Variants in CCAR1 observed in about 807,000 individuals in gnomAD.
CCAR1 encodes cell division cycle and apoptosis regulator 1.
In CCAR1, 78 loss-of-function variants were observed where a neutral mutation model predicts 163.8. The observed-to-expected ratio is 0.48, with a 90% CI of 0.40 to 0.57. CCAR1 has a LOEUF of 0.57. Ranked by LOEUF, CCAR1 falls within the 20% of genes least tolerant of loss-of-function variation. The pLI is 0.00. For synonymous variants in CCAR1, 443 were observed against 460.7 expected, an observed-to-expected ratio of 0.96 and a Z score of 0.49; for missense variants, 1,019 against 1,365.2, an observed-to-expected ratio of 0.75 and a Z score of 4.00.
chr10:68,778,633 T>C (rs1181145347), intron 19 of CCAR1, among the ~76,000 whole-genome samples: 2 of 152,160 alleles, frequency 1.3e-5, no homozygotes, highest in Non-Finnish European at 2.9e-5. Context: ...AAAGCTGTTA[T>C]GTAAGAAAAA....
chr10:68,771,035 G>A lies in CCAR1; in HGVS notation c.2299-171G>A, dbSNP rs1178294213. Among the ~76,000 whole-genome samples the A allele has an allele frequency of 3.3e-5, 5 of 152,034 alleles. No individual in the cohort carries two copies. In the South Asian group the frequency reaches 1.0e-3, roughly 31 times the overall value. ...GGAGCTTGCTGTGAGCCAAGATCGT[G>A]CCGCTGCACTCCAGCCTGGGCGACA... is the stretch of plus-strand genomic sequence containing the variant. On this transcript the variant is annotated intron_variant, in intron 17 of 24. Coordinates refer to ENST00000265872, the MANE Select transcript of CCAR1 (RefSeq NM_018237.4).
chr10:68,774,336 T>A (rs1234491718), intron 19 of CCAR1, among the ~76,000 whole-genome samples: 1 of 152,082 alleles, frequency 6.6e-6, no homozygotes, highest in Non-Finnish European at 1.5e-5. Context: ...CTAAATATAT[T>A]CTTTAGAAAA....
At chr10:68,740,533 G>A (rs2056168846) in intron 4 of CCAR1, 96 bp from the exon 5 acceptor site, 1 of 1,010,126 alleles carries the variant, frequency 9.9e-7, no homozygotes, top group African/African-American at 1.6e-5. Context: ...AAAATAAGTA[G>A]AATAACTTTT....
chr10:68,769,306 C>T (rs2056572188), intron 17 of CCAR1, among the ~76,000 whole-genome samples: 1 of 152,124 alleles, frequency 6.6e-6, no homozygotes, highest in Non-Finnish European at 1.5e-5. Context: ...CTGTTGAAAG[C>T]AATGGACTTT....
chr10:68,731,145 C>T (rs981657777), intron 2 of CCAR1, among the ~76,000 whole-genome samples: 6 of 152,160 alleles, frequency 3.9e-5, no homozygotes, highest in African/African-American at 7.2e-5. Flanking sequence ...GGATAAAGTG[C>T]TTCAATATGT....
In CCAR1 at chr10:68,788,332, A is replaced by G. The variant is rs1463968360; in HGVS notation, c.3187+4A>G. The G allele has an allele frequency of 6.4e-7, 1 of 1,551,802 alleles. No individual in the cohort carries two copies. Among genetic ancestry groups the G allele is most frequent in the Non-Finnish European group, 8.6e-7 (1 of 1,157,878 alleles). On this transcript the variant is annotated splice_donor_region_variant and intron_variant, in intron 23 of 24. Coordinates refer to ENST00000265872, the MANE Select transcript of CCAR1 (RefSeq NM_018237.4). ...CAGTTACTAGAAGAAAAAACAGGTA[A>G]GGGTCAGCTTTGAATATGTTAATAC...
At chr10:68,751,084 A>G (rs1408885572) in intron 10 of CCAR1, among the ~76,000 whole-genome samples, 2 of 151,550 alleles carry the variant, frequency 1.3e-5, no homozygotes, top group Non-Finnish European at 2.9e-5. Context: ...CTGGAGAGCA[A>G]TGGCGCGATC....
At chr10:68,787,294 ACATTCAC>A (rs1194600210) in intron 21 of CCAR1, among the ~76,000 whole-genome samples, 1 of 151,722 alleles carries the variant, frequency 6.6e-6, no homozygotes, top group Non-Finnish European at 1.5e-5. Context: ...TTCTATAGAT[ACATTCAC>A]CATGAAAATA....
intron 2 of CCAR1, among the ~76,000 whole-genome samples, chr10:68,726,406 C>T (rs1451420224): frequency 2.6e-5 from 4 of 152,008 alleles, no homozygotes; most frequent in African/African-American, 7.2e-5. Context: ...CCACCTCGGC[C>T]TCCCAAAGTG....
intron 3 of CCAR1, 74 bp downstream of exon 3, chr10:68,737,122 C>T (rs2056121970): frequency 4.2e-6 from 4 of 949,126 alleles, no homozygotes; most frequent in Non-Finnish European, 6.5e-6. Flanking sequence ...TTGCTACCTT[C>T]ATTTTACAGG....
chr10:68,774,170 G>A (rs1043706196), intron 19 of CCAR1, among the ~76,000 whole-genome samples: 14 of 151,762 alleles, frequency 9.2e-5, no homozygotes, highest in African/African-American at 1.2e-4. Context: ...GGGATTACAG[G>A]CCTGAGCCAC....
At chr10:68,723,034 A>G (rs903990109) in intron 2 of CCAR1, among the ~76,000 whole-genome samples, 6 of 152,088 alleles carry the variant, frequency 3.9e-5, no homozygotes, top group Non-Finnish European at 7.4e-5. Context: ...TTAAAAATCC[A>G]TAGATCAACT....
chr10:68,775,722 A>G (rs1589188090), intron 19 of CCAR1, among the ~76,000 whole-genome samples: 9 of 89,112 alleles, frequency 1.0e-4, no homozygotes, highest in East Asian at 3.6e-4. Context: ...TTTGAGATGG[A>G]GTCTCACTCT....
intron 2 of CCAR1, among the ~76,000 whole-genome samples, chr10:68,723,118 A>G (rs76092066): frequency 0.011 from 1,632 of 147,568 alleles, 15 homozygotes; most frequent in Admixed American, 0.019. Context: ...TTTTTTATTT[A>G]TTTTTATTTT....
At chr10:68,725,545 T>C (rs1375311867) in intron 2 of CCAR1, among the ~76,000 whole-genome samples, 1 of 152,132 alleles carries the variant, frequency 6.6e-6, no homozygotes, top group Non-Finnish European at 1.5e-5. Flanking sequence ...TCTCAAAAGC[T>C]TTAACTCCTG....
chr10:68,780,674 C>A (rs1349549767), intron 19 of CCAR1, among the ~76,000 whole-genome samples: 2 of 152,138 alleles, frequency 1.3e-5, no homozygotes. Flanking sequence ...CAGCATGTGC[C>A]ACTTTGACTT....
At chr10:68,771,069 C>T (rs941629797) in intron 17 of CCAR1, 137 bp from the exon 18 acceptor site, 1 of 612,412 alleles carries the variant, frequency 1.6e-6, no homozygotes, top group African/African-American at 1.9e-5. Flanking sequence ...CAGAGCGAGA[C>T]TCCATCTCAA....
intron 15 of CCAR1, among the ~76,000 whole-genome samples, 170 bp downstream of exon 15, chr10:68,757,547 T>C (rs565939851): frequency 6.6e-6 from 1 of 152,236 alleles, no homozygotes; most frequent in African/African-American, 2.4e-5. Context: ...CCTGAGTAGC[T>C]GGGATTACAG....
At chr10:68,769,143 A>G (rs2056570073) in intron 17 of CCAR1, among the ~76,000 whole-genome samples, 1 of 152,122 alleles carries the variant, frequency 6.6e-6, no homozygotes, top group Non-Finnish European at 1.5e-5. Flanking sequence ...CACCCAGCTA[A>G]TTTTTGTATT....
Sources: gnomAD v4.1 joint callset for allele counts (sites outside exome capture counted in the v4.1 genomes callset) on GRCh38, gnomAD v4.1.1 for gene constraint, MANE v1.5 for transcripts, NCBI Gene and HGNC (gene_info 2026-07-23, HGNC 2026-07-21) for gene names.